The following LIPI variants were observed in gnomAD, a reference collection of about 807,000 sequenced individuals.
LIPI encodes the protein lipase member I.
LIPI carries 59 observed loss-of-function variants against 50.6 expected under a neutral mutation model. That is an observed-to-expected ratio of 1.16 (90% CI 0.94 to 1.45). LIPI has a LOEUF of 1.45. Among genes scored for constraint, LIPI ranks in the 40% most tolerant of loss-of-function variants. The pLI is 0.00. For missense variants in LIPI, 586 were observed against 536.3 expected (o/e 1.09, Z -0.92); for synonymous variants, 203 against 178.2 (o/e 1.14, Z -1.11).
intron 1 of LIPI, among the ~76,000 whole-genome samples, chr21:14,203,513 G>A (rs1187864177): frequency 6.6e-6 from 1 of 151,362 alleles, no homozygotes; most frequent in Non-Finnish European, 1.5e-5. Flanking sequence ...CATAAAAAAG[G>A]ATGAGTTCAT....
intron 4 of LIPI, among the ~76,000 whole-genome samples, chr21:14,175,194 ACCTAG>A (rs147387883): frequency 0.17 from 26,043 of 152,070 alleles, 2,615 homozygotes; most frequent in South Asian, 0.26. Context: ...TTGGTTACAT[ACCTAG>A]GAGTGGAATT....
chr21:14,150,929 C>A (rs1057242304), intron 8 of LIPI, among the ~76,000 whole-genome samples: 2 of 152,122 alleles, frequency 1.3e-5, no homozygotes, highest in African/African-American at 4.8e-5. Context: ...CAGTTCTATA[C>A]GACTGTTAAA....
intron 8 of LIPI, among the ~76,000 whole-genome samples, chr21:14,149,638 C>T (rs192263770): frequency 5.0e-4 from 76 of 152,272 alleles, no homozygotes; most frequent in Admixed American, 1.0e-3. Context: ...AATGGGGGTA[C>T]AAGCATTGGG....
intron 4 of LIPI, among the ~76,000 whole-genome samples, chr21:14,172,972 T>A (rs1439744028): frequency 6.6e-6 from 1 of 152,152 alleles, no homozygotes; most frequent in African/African-American, 2.4e-5. Context: ...ATACAGAGTA[T>A]GTGAAATAAT....
At chr21:14,189,441 C>T (rs776631933) in intron 1 of LIPI, 22 bp from the exon 2 acceptor site, 7 of 1,605,358 alleles carry the variant, frequency 4.4e-6, no homozygotes, top group African/African-American at 1.3e-5. Context: ...AAATGTCAGT[C>T]AAGCTGAGTA....
At chr21:14,157,274 A>G (rs1053261582) in intron 7 of LIPI, among the ~76,000 whole-genome samples, 2 of 151,950 alleles carry the variant, frequency 1.3e-5, no homozygotes, top group Non-Finnish European at 2.9e-5. Context: ...TGGGAAATGA[A>G]GCTCTAGAGA....
intron 8 of LIPI, 82 bp from the exon 9 acceptor site, chr21:14,144,881 G>T (rs112198542): frequency 5.8e-5 from 54 of 930,818 alleles, no homozygotes; most frequent in Non-Finnish European, 8.7e-5. Context: ...TCCTAATAAG[G>T]GAGGCCACAG....
At chr21:14,146,029 A>ATAT (rs2017891670) in intron 8 of LIPI, among the ~76,000 whole-genome samples, 1 of 152,142 alleles carries the variant, frequency 6.6e-6, no homozygotes, top group Admixed American at 6.6e-5. Flanking sequence ...CAAATTTTTC[A>ATAT]GTGATAATTC....
intron 7 of LIPI, among the ~76,000 whole-genome samples, chr21:14,154,040 T>C (rs1028308839): frequency 1.3e-5 from 2 of 152,154 alleles, no homozygotes; most frequent in African/African-American, 4.8e-5. Context: ...GAAGAAGAGC[T>C]GATTTCTGAG....
intron 9 of LIPI, among the ~76,000 whole-genome samples, chr21:14,134,827 C>G (rs2017430899): frequency 6.6e-6 from 1 of 151,470 alleles, no homozygotes; most frequent in African/African-American, 2.4e-5. Flanking sequence ...AGACCAGAAA[C>G]TATTAAAAAA....
chr21:14,196,614 G>C (rs115007577), intron 1 of LIPI, among the ~76,000 whole-genome samples: 1 of 152,134 alleles, frequency 6.6e-6, no homozygotes, highest in South Asian at 2.1e-4. Flanking sequence ...ATAGCTGGAG[G>C]CTAGGAGTTC....
chr21:14,167,256 G>GCCTC (rs2018722524), intron 4 of LIPI, among the ~76,000 whole-genome samples: 1 of 152,248 alleles, frequency 6.6e-6, no homozygotes, highest in Non-Finnish European at 1.5e-5. Context: ...AGGCCTGCCT[G>GCCTC]CCTCTGTAGG....
At chr21:14,173,474 A>C (rs2018991236) in intron 4 of LIPI, among the ~76,000 whole-genome samples, 1 of 152,244 alleles carries the variant, frequency 6.6e-6, no homozygotes, top group Admixed American at 6.5e-5. Flanking sequence ...TATAACTCAG[A>C]GAAGCCTTAA....
At chr21:14,186,758 T>C (rs2123269714) in intron 2 of LIPI, among the ~76,000 whole-genome samples, 1 of 152,288 alleles carries the variant, frequency 6.6e-6, no homozygotes, top group South Asian at 2.1e-4. Context: ...ACTGCCCAGA[T>C]AGAAGAGACC....
intron 4 of LIPI, among the ~76,000 whole-genome samples, chr21:14,180,489 C>T (rs539310568): frequency 2.6e-5 from 4 of 152,128 alleles, no homozygotes; most frequent in Admixed American, 1.3e-4. Context: ...CTCAGCTGGC[C>T]GACACTTATG....
At chr21:14,123,350 T>C (rs2016935355) in intron 9 of LIPI, among the ~76,000 whole-genome samples, 1 of 152,156 alleles carries the variant, frequency 6.6e-6, no homozygotes, top group Non-Finnish European at 1.5e-5. Flanking sequence ...GAATCAGTTG[T>C]GGTATCAACT....
chr21:14,137,663 A>G (rs1276743511), intron 9 of LIPI, among the ~76,000 whole-genome samples: 1 of 152,204 alleles, frequency 6.6e-6, no homozygotes, highest in East Asian at 1.9e-4. Context: ...AGGGGTAGAA[A>G]GTTTTATTCA....
intron 4 of LIPI, among the ~76,000 whole-genome samples, chr21:14,169,699 G>A (rs1368769237): frequency 2.0e-5 from 3 of 152,158 alleles, no homozygotes; most frequent in East Asian, 3.9e-4. Context: ...GAATCCCTGG[G>A]ACACATTCAA....
At chr21:14,151,690 A>G (rs2018097010) in intron 8 of LIPI, among the ~76,000 whole-genome samples, 1 of 152,206 alleles carries the variant, frequency 6.6e-6, no homozygotes, top group African/African-American at 2.4e-5. Flanking sequence ...ATTTAAGAAA[A>G]AAATAATTTT....
Sources: gnomAD v4.1 joint callset for allele counts (sites outside exome capture counted in the v4.1 genomes callset) on GRCh38, gnomAD v4.1.1 for gene constraint, MANE v1.5 for transcripts, NCBI Gene and HGNC (gene_info 2026-07-23, HGNC 2026-07-21) for gene names.